The following MAP7 variants were observed in gnomAD, a reference collection of about 807,000 sequenced individuals.
MAP7 encodes ensconsin.
MAP7 carries 52 observed loss-of-function variants against 94.8 expected under a neutral mutation model. The ratio of observed to expected loss-of-function variants is 0.55; its 90% CI spans 0.44 to 0.69. The LOEUF (loss-of-function observed/expected upper bound fraction) is 0.69, where lower values mean the gene tolerates loss of function less well. Ranked by LOEUF, MAP7 falls within the 30% of genes least tolerant of loss-of-function variation. MAP7 has a pLI of 0.00. For synonymous variants in MAP7, 350 were observed against 357.0 expected (o/e 0.98, Z 0.22); for missense variants, 940 against 964.6 (o/e 0.97, Z 0.34).
At chr6:136,406,590 G>A (rs1049167447) in intron 3 of MAP7, among the ~76,000 whole-genome samples, 3 of 152,166 alleles carry the variant, frequency 2.0e-5, no homozygotes, top group South Asian at 2.1e-4. Flanking sequence ...GGAGGTCAAG[G>A]CGGGCAAATC....
intron 1 of MAP7, among the ~76,000 whole-genome samples, chr6:136,501,808 C>G (rs1819905310): frequency 6.6e-6 from 1 of 152,116 alleles, no homozygotes; most frequent in South Asian, 2.1e-4. Context: ...CCAGATGAAG[C>G]CATTAAGTTC....
chr6:136,357,614 C>A (rs1439544839), intron 15 of MAP7, among the ~76,000 whole-genome samples: 1 of 152,086 alleles, frequency 6.6e-6, no homozygotes, highest in African/African-American at 2.4e-5. Flanking sequence ...CCTGCTTCAG[C>A]CTCTCAAGTA....
At chr6:136,470,322 C>T (rs1456818962) in intron 1 of MAP7, among the ~76,000 whole-genome samples, 4 of 151,782 alleles carry the variant, frequency 2.6e-5, no homozygotes, top group Non-Finnish European at 5.9e-5. Flanking sequence ...TTGTTTCCTC[C>T]CCAGCTTTCT....
At chr6:136,448,283 G>A (rs891395958) in intron 1 of MAP7, among the ~76,000 whole-genome samples, 2 of 152,146 alleles carry the variant, frequency 1.3e-5, no homozygotes, top group South Asian at 2.1e-4. Context: ...GTGTCTGTGC[G>A]GGAAAAACAT....
intron 3 of MAP7, among the ~76,000 whole-genome samples, chr6:136,407,492 G>A (rs1785988654): frequency 6.6e-6 from 1 of 152,132 alleles, no homozygotes; most frequent in African/African-American, 2.4e-5. Context: ...AGAACAACAG[G>A]GCAGTAAATG....
intron 5 of MAP7, among the ~76,000 whole-genome samples, chr6:136,388,160 C>T (rs368130906): frequency 3.9e-5 from 6 of 152,290 alleles, no homozygotes; most frequent in Admixed American, 2.0e-4. Flanking sequence ...ACATAGATTT[C>T]TCCCTTTAAG....
At chr6:136,421,060 T>C (rs1205086430) in intron 2 of MAP7, among the ~76,000 whole-genome samples, 2 of 152,344 alleles carry the variant, frequency 1.3e-5, no homozygotes, top group South Asian at 2.1e-4. Context: ...GCAATGGTTA[T>C]TGGATAACTG....
intron 16 of MAP7, among the ~76,000 whole-genome samples, chr6:136,346,969 T>A (rs1787883679): frequency 6.6e-6 from 1 of 152,250 alleles, no homozygotes; most frequent in African/African-American, 2.4e-5. Context: ...GATCTTCTTA[T>A]CTTTGCCCCT....
At chr6:136,379,748 T>C (rs1182954566) in intron 6 of MAP7, among the ~76,000 whole-genome samples, 11 of 152,362 alleles carry the variant, frequency 7.2e-5, no homozygotes, top group Non-Finnish European at 1.5e-4. Flanking sequence ...AGTTACTTTA[T>C]TTCCATGAGT....
At chr6:136,481,504 CG>C (rs1018295033) in intron 1 of MAP7, among the ~76,000 whole-genome samples, 5 of 151,946 alleles carry the variant, frequency 3.3e-5, no homozygotes, top group African/African-American at 7.3e-5. Flanking sequence ...GTGAAATAAG[CG>C]AGGGACAAAA....
chr6:136,350,527 G>A (rs2128525113), intron 16 of MAP7, among the ~76,000 whole-genome samples: 1 of 152,298 alleles, frequency 6.6e-6, no homozygotes, highest in African/African-American at 2.4e-5. Flanking sequence ...TCATGAATGG[G>A]AAGCTGTTTT....
Position 136,383,759 on chromosome 6 carries a change from G to C in MAP7, c.549C>G (p.Ser183=), listed in dbSNP as rs990099208. The change falls in exon 6 of 18, where the codon TCC becomes TCG. Residue 183 remains serine, a synonymous_variant. Transcript: ENST00000354570. The part of the protein sequence containing the change: ...HSADPDRRSV[S]TMNLSKYVDP... ...CAACATATTTCGAAAGATTCATGGT[G>C]GAAACTGACCGCCTGTCTGGATCTA... 2 of 1,609,470 alleles carry C rather than the reference G, an allele frequency of 1.2e-6. No individual in the cohort carries two copies. The highest frequency in any genetic ancestry group is 1.7e-6 in the Non-Finnish European group (2 of 1,176,876).
At position 136,356,729 on chromosome 6, in the gene MAP7, C is replaced by CA. The variant is rs1163346826; in HGVS notation, c.1977dup (p.Val660CysfsTer23). The CA allele has an allele frequency of 1.2e-6, 2 of 1,614,044 alleles. No individual in the cohort carries two copies. The highest frequency in any genetic ancestry group is 2.7e-5 in the African/African-American group (2 of 74,918). ...ACTTTTGACTGGTGTGAGGTAACCA[C>CA]ATGTGGGCTGCCAACTGGCTTTCCA... is the stretch of plus-strand genomic sequence containing the variant. On this transcript the variant is annotated frameshift_variant, in exon 16 of 18. Transcript: ENST00000354570. LOFTEE classifies it high-confidence loss of function.
intron 1 of MAP7, among the ~76,000 whole-genome samples, chr6:136,520,674 T>C (rs778168324): frequency 5.9e-5 from 9 of 152,114 alleles, no homozygotes; most frequent in Non-Finnish European, 1.3e-4. Context: ...GAGAGGAGGT[T>C]TCCTGCAGAT....
intron 16 of MAP7, among the ~76,000 whole-genome samples, chr6:136,352,439 G>T (rs1005237490): frequency 1.3e-5 from 2 of 152,140 alleles, no homozygotes; most frequent in Admixed American, 6.5e-5. Context: ...ACCTGCCTCA[G>T]CCTCTCAAAG....
chr6:136,396,800 A>G (rs1037844346), intron 3 of MAP7, among the ~76,000 whole-genome samples: 1 of 152,232 alleles, frequency 6.6e-6, no homozygotes, highest in Non-Finnish European at 1.5e-5. Flanking sequence ...TTAACAAAAT[A>G]ATTACACATA....
intron 10 of MAP7, among the ~76,000 whole-genome samples, chr6:136,363,392 G>T (rs1407933433): frequency 6.6e-6 from 1 of 152,216 alleles, no homozygotes; most frequent in Non-Finnish European, 1.5e-5. Context: ...AGTGAGCAAG[G>T]CACCAGCAAG....
intron 1 of MAP7, chr6:136,545,463 C>T (rs1436053458): frequency 1.3e-5 from 2 of 152,206 alleles, no homozygotes; most frequent in African/African-American, 2.4e-5. Flanking sequence ...CTGATTATTC[C>T]TGCTTTAATC....
intron 16 of MAP7, among the ~76,000 whole-genome samples, chr6:136,348,074 C>T (rs1788179056): frequency 6.7e-6 from 1 of 148,260 alleles, no homozygotes; most frequent in Non-Finnish European, 1.5e-5. Context: ...AGTGCCTGGG[C>T]TGCCACACCC....
Sources: gnomAD v4.1 joint callset for allele counts (sites outside exome capture counted in the v4.1 genomes callset) on GRCh38, gnomAD v4.1.1 for gene constraint, MANE v1.5 for transcripts, NCBI Gene and HGNC (gene_info 2026-07-23, HGNC 2026-07-21) for gene names.